ANKIB1: variants seen among roughly 807,000 people sequenced by gnomAD.
ANKIB1 encodes the protein ankyrin repeat and IBR domain containing 1.
A neutral mutation model predicts 122.1 loss-of-function variants in ANKIB1; 43 were observed. That is an observed-to-expected ratio of 0.35 (90% CI 0.28 to 0.45). The LOEUF is 0.45. ANKIB1 is among the 20% of genes least tolerant of loss of function. The pLI is 1.00. For synonymous variants in ANKIB1, 390 were observed against 442.0 expected, an observed-to-expected ratio of 0.88 and a Z score of 1.48; for missense variants, 992 against 1,329.5, an observed-to-expected ratio of 0.75 and a Z score of 3.95.
intron 19 of ANKIB1, 124 bp from the exon 20 acceptor site, chr7:92,398,088 A>G: frequency 8.6e-7 from 1 of 1,159,624 alleles, no homozygotes; most frequent in Non-Finnish European, 1.2e-6. Context: ...TTAGTAGATA[A>G]AATAATTTTT....
chr7:92,382,892 A>T (rs1172267261), intron 11 of ANKIB1, among the ~76,000 whole-genome samples: 3 of 152,206 alleles, frequency 2.0e-5, no homozygotes, highest in African/African-American at 7.2e-5. Context: ...CTAAGGTCAG[A>T]GCAGAACTGA....
chr7:92,286,286 G>A (rs1424400598), intron 1 of ANKIB1, among the ~76,000 whole-genome samples: 1 of 152,050 alleles, frequency 6.6e-6, no homozygotes, highest in African/African-American at 2.4e-5. Flanking sequence ...ATCTACTGTA[G>A]AGGGACCAGT....
chr7:92,260,449 A>G (rs1425919234), intron 1 of ANKIB1, among the ~76,000 whole-genome samples: 1 of 152,162 alleles, frequency 6.6e-6, no homozygotes, highest in African/African-American at 2.4e-5. Flanking sequence ...AGGCTGAAGC[A>G]GGAGAATTCA....
chr7:92,345,752 AT>A (rs1235857822), intron 7 of ANKIB1, among the ~76,000 whole-genome samples: 1 of 152,132 alleles, frequency 6.6e-6, no homozygotes, highest in Non-Finnish European at 1.5e-5. Context: ...TAAGTGAGAT[AT>A]GTCATTGGTA....
At chr7:92,288,712 CAG>C (rs1802187949) in intron 1 of ANKIB1, among the ~76,000 whole-genome samples, 1 of 152,076 alleles carries the variant, frequency 6.6e-6, no homozygotes, top group Non-Finnish European at 1.5e-5. Context: ...TTTATTTAAA[CAG>C]ACACTTCACA....
intron 1 of ANKIB1, among the ~76,000 whole-genome samples, chr7:92,270,939 G>T (rs536587045): frequency 6.6e-6 from 1 of 151,782 alleles, no homozygotes; most frequent in East Asian, 1.9e-4. Context: ...CTCTTTTGCA[G>T]AGCACAGGTT....
At chr7:92,393,206 C>T (rs913856285) in intron 17 of ANKIB1, among the ~76,000 whole-genome samples, 2 of 151,992 alleles carry the variant, frequency 1.3e-5, no homozygotes, top group African/African-American at 4.8e-5. Flanking sequence ...GATACTTTCT[C>T]TTTTCAGCTG....
intron 9 of ANKIB1, among the ~76,000 whole-genome samples, chr7:92,352,918 A>C (rs1803696843): frequency 6.6e-6 from 1 of 152,222 alleles, no homozygotes; most frequent in South Asian, 2.1e-4. Context: ...AAACTCAGGC[A>C]CAGAGAAGTT....
At chr7:92,342,817 G>C (rs1803465236) in intron 5 of ANKIB1, among the ~76,000 whole-genome samples, 1 of 152,262 alleles carries the variant, frequency 6.6e-6, no homozygotes, top group South Asian at 2.1e-4. Context: ...ATGGTTGTAA[G>C]CCATGATCAA....
intron 4 of ANKIB1, among the ~76,000 whole-genome samples, chr7:92,321,115 T>A (rs1466608898): frequency 6.6e-6 from 1 of 152,104 alleles, no homozygotes; most frequent in Non-Finnish European, 1.5e-5. Context: ...AATTTTTAAA[T>A]TTTTTATTAA....
At position 92,280,450 on chromosome 7, in the gene ANKIB1, A is replaced by ACCC. The variant is rs34399457; in HGVS notation, c.-90-14430_-90-14428dup. On this transcript the variant is annotated intron_variant, in intron 1 of 19. Transcript: ENST00000265742. ...TAGGCTTAAGAAACGTTTGGAGGGCACCCCCCCCCCCTTTTTTTCCTCTTG... is the reference window on the plus strand; with the variant it reads ...TAGGCTTAAGAAACGTTTGGAGGGCACCCCCCCCCCCCCCTTTTTTTCCTCTTG... 1.9e-4 allele frequency among the ~76,000 whole-genome samples: 21 copies of ACCC among 112,836 alleles called. No individual in the cohort carries two copies. In the East Asian group the frequency reaches 4.7e-3, roughly 25 times the overall value. The allele number at this position is 112,836 out of a possible 152,430, so 74.0% of individuals were successfully genotyped here. A position where few individuals can be genotyped will look rare whatever the true frequency, so the allele number is the denominator to read the frequency against.
rs1033455878 is a variant in ANKIB1 at position 92,306,422 on chromosome 7, A to G, written c.189-937A>G. Among the ~76,000 whole-genome samples the G allele has an allele frequency of 4.6e-5, 7 of 151,944 alleles. No individual in the cohort carries two copies. In the East Asian group the frequency reaches 1.2e-3, roughly 25 times the overall value. ...ACCTAGACCTATCTTTGAGATAAAC[A>G]CTCACCGTGGAATTAGATCTTAGTC... On this transcript the variant is annotated intron_variant, in intron 2 of 19. Coordinates refer to ENST00000265742, the MANE Select transcript of ANKIB1 (RefSeq NM_019004.2).
At chr7:92,258,423 AC>A (rs1554333311) in intron 1 of ANKIB1, among the ~76,000 whole-genome samples, 1 of 151,990 alleles carries the variant, frequency 6.6e-6, no homozygotes, top group Non-Finnish European at 1.5e-5. Context: ...GCTGGGCCTC[AC>A]CCCCCCAAAT....
chr7:92,337,171 G>A (rs75329884), intron 5 of ANKIB1, among the ~76,000 whole-genome samples: 2 of 152,120 alleles, frequency 1.3e-5, no homozygotes, highest in East Asian at 3.9e-4. Context: ...CCTTTACTGT[G>A]TACTAAGCAG....
Position 92,285,916 on chromosome 7 carries a change from T to TTAAAAA in ANKIB1, c.-90-8972_-90-8967dup, listed in dbSNP as rs1802113974. Among the ~76,000 whole-genome samples the TTAAAAA allele has an allele frequency of 5.3e-5, 8 of 152,364 alleles. No homozygotes were observed. In the South Asian group the frequency reaches 1.7e-3, roughly 32 times the overall value. On this transcript the variant is annotated intron_variant, in intron 1 of 19. Transcript: ENST00000265742. ...CCAGCTTCAAGCAAACTCATTGTGCTTAAAAACACTTTGATGATTTAGCCT... is the reference window on the plus strand; with the variant it reads ...CCAGCTTCAAGCAAACTCATTGTGCTTAAAAATAAAAACACTTTGATGATTTAGCCT...
rs571896003 is a variant in ANKIB1 at position 92,308,459 on chromosome 7, GCTCA to G, written c.486+806_486+809del. 6.6e-5 allele frequency among the ~76,000 whole-genome samples: 10 copies of G among 152,168 alleles called. No homozygotes were observed. The South Asian group carries it at 1.7e-3, about 25-fold the overall frequency. On this transcript the variant is annotated intron_variant, in intron 3 of 19. Transcript: ENST00000265742. ...CCTATAGTTTATGTAGAATTGATAAGCTCACTAAGCAATGGATAAATATTAACAA... is the reference window on the plus strand; with the variant it reads ...CCTATAGTTTATGTAGAATTGATAAGCTAAGCAATGGATAAATATTAACAA...
intron 8 of ANKIB1, 46 bp from the exon 9 acceptor site, chr7:92,352,430 G>A (rs1262570582): frequency 1.9e-6 from 3 of 1,582,212 alleles, no homozygotes; most frequent in African/African-American, 1.4e-5. Context: ...TTAGAATTTA[G>A]CATTAAAATA....
intron 11 of ANKIB1, among the ~76,000 whole-genome samples, chr7:92,375,044 T>C (rs1804351326): frequency 6.7e-6 from 1 of 150,204 alleles, no homozygotes; most frequent in South Asian, 2.1e-4. Context: ...TATAAAAGTT[T>C]AACTGTAAAT....
intron 5 of ANKIB1, among the ~76,000 whole-genome samples, chr7:92,340,827 A>G (rs1022682974): frequency 1.3e-5 from 2 of 152,260 alleles, no homozygotes; most frequent in African/African-American, 2.4e-5. Context: ...TGGATAGGTA[A>G]TTCATAGAAG....
Sources: gnomAD v4.1 joint callset for allele counts (sites outside exome capture counted in the v4.1 genomes callset) on GRCh38, gnomAD v4.1.1 for gene constraint, MANE v1.5 for transcripts, NCBI Gene and HGNC (gene_info 2026-07-23, HGNC 2026-07-21) for gene names.